AIM2: variants seen among roughly 807,000 people sequenced by gnomAD.
AIM2 encodes absent in melanoma 2.
Under a neutral mutation model 27.7 loss-of-function variants are expected in AIM2, and 30 were observed. The observed-to-expected ratio is 1.08, with a 90% confidence interval of 0.81 to 1.47. AIM2 has a LOEUF of 1.47. AIM2 is among the 40% of genes most tolerant of loss of function. The pLI is 0.00. For missense variants in AIM2, 358 were observed against 411.3 expected (o/e 0.87, Z 1.12); for synonymous variants, 141 against 145.3 (o/e 0.97, Z 0.21).
intron 1 of AIM2, among the ~76,000 whole-genome samples, chr1:159,094,010 G>T (rs977642984): frequency 2.0e-5 from 3 of 151,896 alleles, no homozygotes; most frequent in Admixed American, 2.0e-4. Flanking sequence ...AAAGTGCTGG[G>T]ATTACAGGCG....
At chr1:159,069,435 C>A (rs78991364) in intron 2 of AIM2, among the ~76,000 whole-genome samples, 30,768 of 151,726 alleles carry the variant, frequency 0.2, 3,979 homozygotes, top group African/African-American at 0.37. Context: ...TTCTCTCTCT[C>A]TATATATATG....
At chr1:159,125,445 C>T (rs1019004939) in intron 1 of AIM2, among the ~76,000 whole-genome samples, 10 of 152,120 alleles carry the variant, frequency 6.6e-5, no homozygotes, top group African/African-American at 1.2e-4. Flanking sequence ...ATTGAGCCTA[C>T]GTGAACTGTT....
chr1:159,108,782 C>A (rs1251176537), intron 1 of AIM2, among the ~76,000 whole-genome samples: 1 of 152,072 alleles, frequency 6.6e-6, no homozygotes, highest in Non-Finnish European at 1.5e-5. Flanking sequence ...AGAATGCAAC[C>A]CCCTTTACAA....
At chr1:159,089,876 C>T (rs1321358671) in intron 1 of AIM2, among the ~76,000 whole-genome samples, 3 of 152,144 alleles carry the variant, frequency 2.0e-5, no homozygotes, top group Non-Finnish European at 4.4e-5. Flanking sequence ...TAACTGGACC[C>T]TAGACCCTTC....
chr1:159,104,407 T>C (rs1052755775), intron 1 of AIM2, among the ~76,000 whole-genome samples: 1 of 152,254 alleles, frequency 6.6e-6, no homozygotes, highest in Admixed American at 6.5e-5. Flanking sequence ...TTAAAACTCA[T>C]ATTCAATTCA....
chr1:159,106,233 C>T (rs1281379375), intron 1 of AIM2, among the ~76,000 whole-genome samples: 1 of 152,188 alleles, frequency 6.6e-6, no homozygotes, highest in Non-Finnish European at 1.5e-5. Flanking sequence ...CGGTCTCCCA[C>T]TCCACCAACT....
At chr1:159,097,040 G>T (rs1204801738) in intron 1 of AIM2, among the ~76,000 whole-genome samples, 1 of 151,986 alleles carries the variant, frequency 6.6e-6, no homozygotes, top group Non-Finnish European at 1.5e-5. Flanking sequence ...TCGGGAAGTA[G>T]GCAGATCCCT....
chr1:159,129,836 A>G (rs573172629), intron 1 of AIM2, among the ~76,000 whole-genome samples: 11 of 152,248 alleles, frequency 7.2e-5, no homozygotes, highest in African/African-American at 2.6e-4. Flanking sequence ...ATTCACTACC[A>G]TTCCCTGTCA....
intron 1 of AIM2, among the ~76,000 whole-genome samples, chr1:159,116,682 G>T (rs1349202854): frequency 6.6e-6 from 1 of 152,058 alleles, no homozygotes; most frequent in Non-Finnish European, 1.5e-5. Flanking sequence ...AGGGCCTGTT[G>T]TGGGGTAGGG....
chr1:159,057,016 A>G, the AIM2 span, among the ~76,000 whole-genome samples: 1 of 152,132 alleles, frequency 6.6e-6, no homozygotes, highest in Non-Finnish European at 1.5e-5. Flanking sequence ...TACTCATCTA[A>G]AAAGAGGGGA....
intron 1 of AIM2, among the ~76,000 whole-genome samples, chr1:159,124,317 A>G (rs978422865): frequency 6.6e-6 from 1 of 152,246 alleles, no homozygotes; most frequent in Non-Finnish European, 1.5e-5. Context: ...CCAAGATGAA[A>G]ATGTTTTTTA....
chr1:159,067,741 C>T (rs1434652331), intron 3 of AIM2, among the ~76,000 whole-genome samples: 1 of 152,054 alleles, frequency 6.6e-6, no homozygotes, highest in Non-Finnish European at 1.5e-5. Context: ...TTCCTCTAGA[C>T]AAAGAGAATG....
At position 159,096,208 on chromosome 1, in the gene AIM2, T is replaced by G. The variant is rs1657177335; in HGVS notation, c.-15-29879A>C. Among the ~76,000 whole-genome samples the G allele has an allele frequency of 2.0e-5, 3 of 152,230 alleles. No individual in the cohort carries two copies. The South Asian group carries it at 6.2e-4, about 32-fold the overall frequency. ...TTGTGCTTCAAGACAGGCAACTTTG[T>G]GTAGTAGAAAAAGCAGACACTTAAA... On this transcript the variant is annotated intron_variant, in intron 1 of 2. Transcript: ENST00000368129.
At chr1:159,094,775 C>T (rs2102012366) in intron 1 of AIM2, among the ~76,000 whole-genome samples, 1 of 152,238 alleles carries the variant, frequency 6.6e-6, no homozygotes, top group East Asian at 1.9e-4. Context: ...ACATACCATA[C>T]AAATTTTTTG....
chr1:159,076,945 T>G (rs755891256), upstream of AIM2: 3 of 152,150 alleles, frequency 2.0e-5, no homozygotes, highest in Non-Finnish European at 4.4e-5. Context: ...CTACACTGAT[T>G]GGAAACAGAA....
In AIM2 at chr1:159,139,679, G is replaced by C. The variant is rs1036342694; in HGVS notation, c.-16+752C>G. On this transcript the variant is annotated intron_variant, in intron 1 of 2. Coordinates refer to the AIM2 transcript ENST00000368129. The stretch of plus-strand genomic sequence containing the variant: ...TTATCTGTGGATTTTAATTCTCACA[G>C]GTATAGAGCTTCACATAAAGAGCTG... 5.3e-5 allele frequency among the ~76,000 whole-genome samples: 8 copies of C among 152,144 alleles called. No homozygotes were observed. In the East Asian group the frequency reaches 1.5e-3, roughly 29 times the overall value.
chr1:159,120,152 C>T (rs976702629), intron 1 of AIM2, among the ~76,000 whole-genome samples: 9 of 152,066 alleles, frequency 5.9e-5, no homozygotes, highest in African/African-American at 2.2e-4. Flanking sequence ...TATTTATTTG[C>T]TTTATTCTAG....
chr1:159,134,702 G>C (rs1647981454), intron 1 of AIM2, among the ~76,000 whole-genome samples: 1 of 152,166 alleles, frequency 6.6e-6, no homozygotes, highest in Non-Finnish European at 1.5e-5. Flanking sequence ...CATGGTGGCA[G>C]ATGCCTGTAA....
At chr1:159,097,139 T>G (rs1657197669) in intron 1 of AIM2, among the ~76,000 whole-genome samples, 1 of 152,100 alleles carries the variant, frequency 6.6e-6, no homozygotes, top group South Asian at 2.1e-4. Context: ...GGCAAACCGC[T>G]AAGTCTTGTA....
Sources: allele counts gnomAD v4.1 joint callset (sites outside exome capture counted in the v4.1 genomes callset), GRCh38; gene constraint gnomAD v4.1.1; transcripts MANE v1.5; gene names NCBI Gene and HGNC (gene_info 2026-07-23, HGNC 2026-07-21).